GARIN1A: variants seen among roughly 807,000 people sequenced by gnomAD.
GARIN1A encodes the protein golgi associated RAB2 interactor 1A.
chr7:128,679,966 A>G, the GARIN1A span: 2 of 922,308 alleles, frequency 2.2e-6, no homozygotes, highest in Non-Finnish European at 3.2e-6. Flanking sequence ...TCAAAGTTCT[A>G]CCCCGAGGAG....
chr7:128,676,525 ATT>A, the GARIN1A span, among the ~76,000 whole-genome samples: 1 of 151,884 alleles, frequency 6.6e-6, no homozygotes, highest in East Asian at 1.9e-4. Flanking sequence ...CATTTCGATA[ATT>A]TCTTTAGTAA....
At chr7:128,703,551 G>A in the GARIN1A span, among the ~76,000 whole-genome samples, 2 of 152,210 alleles carry the variant, frequency 1.3e-5, no homozygotes, top group Non-Finnish European at 2.9e-5. Flanking sequence ...AGCGCTTTGG[G>A]AGGCCAAGGC....
the GARIN1A span, among the ~76,000 whole-genome samples, chr7:128,688,194 T>C: frequency 6.6e-6 from 1 of 152,026 alleles, no homozygotes. Flanking sequence ...GTATTTTTAG[T>C]AGAGATGGGG....
At chr7:128,680,079 C>T in the GARIN1A span, 1 of 1,581,858 alleles carries the variant, frequency 6.3e-7, no homozygotes, top group Admixed American at 1.8e-5. Flanking sequence ...GCCCCTCGTG[C>T]TGCTGGCGGC....
At chr7:128,693,899 G>A in the GARIN1A span, 1 of 154,774 alleles carries the variant, frequency 6.5e-6, no homozygotes, top group Non-Finnish European at 1.4e-5. Context: ...TCATACAACG[G>A]GGAGTGCAAT....
the GARIN1A span, chr7:128,677,428 A>AC: frequency 2.1e-6 from 2 of 947,404 alleles, no homozygotes; most frequent in Non-Finnish European, 2.9e-6. Context: ...AATGGCGTGA[A>AC]CCCCGGGGGC....
chr7:128,679,604 A>G, the GARIN1A span, among the ~76,000 whole-genome samples: 1 of 152,186 alleles, frequency 6.6e-6, no homozygotes, highest in Non-Finnish European at 1.5e-5. Context: ...TTTGATACAC[A>G]TAAGGCCTTT....
chr7:128,692,512 T>C, the GARIN1A span, among the ~76,000 whole-genome samples: 3 of 152,154 alleles, frequency 2.0e-5, no homozygotes, highest in South Asian at 2.1e-4. Flanking sequence ...CAAAACATTG[T>C]TATCCGGAGT....
At chr7:128,703,093 A>G in the GARIN1A span, among the ~76,000 whole-genome samples, 3 of 152,272 alleles carry the variant, frequency 2.0e-5, no homozygotes, top group Non-Finnish European at 1.5e-5. Context: ...TCACAATTAT[A>G]GATCAAGTCT....
At chr7:128,673,522 CA>C in the GARIN1A span, among the ~76,000 whole-genome samples, 2 of 152,166 alleles carry the variant, frequency 1.3e-5, no homozygotes, top group African/African-American at 4.8e-5. Context: ...TAAGGAAAGG[CA>C]GGGAGGCTGG....
chr7:128,673,306 C>G, the GARIN1A span, among the ~76,000 whole-genome samples: 2 of 152,162 alleles, frequency 1.3e-5, no homozygotes, highest in Non-Finnish European at 2.9e-5. Context: ...AGCTCTATGT[C>G]AGAGAGCTTG....
At chr7:128,701,755 G>T in the GARIN1A span, among the ~76,000 whole-genome samples, 1 of 152,074 alleles carries the variant, frequency 6.6e-6, no homozygotes, top group Non-Finnish European at 1.5e-5. Context: ...AAAGAACGAG[G>T]AAATTAAAGT....
chr7:128,684,554 G>A, the GARIN1A span: 1 of 143,854 alleles, frequency 7.0e-6, no homozygotes, highest in African/African-American at 2.6e-5. Context: ...GGCAGAGCTT[G>A]CAGTGAGCTG....
chr7:128,690,959 G>T, the GARIN1A span: 3 of 152,126 alleles, frequency 2.0e-5, no homozygotes, highest in South Asian at 2.1e-4. Context: ...AGAGACTTAC[G>T]CTTATGGCAA....
the GARIN1A span, among the ~76,000 whole-genome samples, chr7:128,696,036 AAGGTCTCACTCTATCACCC>A: frequency 2.1e-5 from 2 of 93,614 alleles, no homozygotes; most frequent in Non-Finnish European, 4.0e-5. Context: ...TTTTTTTGAC[AAGGTCTCACTCTATCACCC>A]AGGCTGGAGT....
At chr7:128,705,430 C>T in the GARIN1A span, among the ~76,000 whole-genome samples, 1 of 152,256 alleles carries the variant, frequency 6.6e-6, no homozygotes, top group South Asian at 2.1e-4. Flanking sequence ...GCCGTTCTCA[C>T]AGCTGCACAT....
At chr7:128,687,994 C>T in the GARIN1A span, 5 of 151,792 alleles carry the variant, frequency 3.3e-5, no homozygotes, top group South Asian at 4.2e-4. Flanking sequence ...AGATTCTTCT[C>T]GGACACTGTC....
the GARIN1A span, among the ~76,000 whole-genome samples, chr7:128,680,859 G>T: frequency 1.3e-5 from 2 of 152,148 alleles, no homozygotes; most frequent in Non-Finnish European, 2.9e-5. Context: ...GAGCCACTGC[G>T]CCTGGTCCTC....
At chr7:128,707,210 G>A in the GARIN1A span, among the ~76,000 whole-genome samples, 2 of 90,398 alleles carry the variant, frequency 2.2e-5, no homozygotes, top group Non-Finnish European at 4.5e-5. Context: ...TATTATTATT[G>A]TGTGTATGTA....
Sources: gnomAD v4.1 joint callset for allele counts (sites outside exome capture counted in the v4.1 genomes callset) on GRCh38, gnomAD v4.1.1 for gene constraint, MANE v1.5 for transcripts, NCBI Gene and HGNC (gene_info 2026-07-23, HGNC 2026-07-21) for gene names.